Variants in PAWR observed in about 807,000 individuals in gnomAD.
The protein encoded by PAWR is pro-apoptotic WT1 regulator, also known as PRKC apoptosis WT1 regulator protein.
PAWR carries 23 observed loss-of-function variants against 32.0 expected under a neutral mutation model. That is an observed-to-expected ratio of 0.72 (90% CI 0.52 to 1.02). The LOEUF is 1.02. PAWR is among the 50% of genes least tolerant of loss of function. The probability of loss-of-function intolerance (pLI) is 0.00; values close to 1 mark genes in which losing one functional copy is unlikely to be tolerated. For synonymous variants in PAWR, 226 were observed against 187.1 expected, an observed-to-expected ratio of 1.21 and a Z score of -1.70; for missense variants, 457 against 437.7, an observed-to-expected ratio of 1.04 and a Z score of -0.39.
At chr12:79,641,290 A>ACCTTCACAAC (rs1876311061) in intron 2 of PAWR, among the ~76,000 whole-genome samples, 1 of 152,178 alleles carries the variant, frequency 6.6e-6, no homozygotes, top group Non-Finnish European at 1.5e-5. Context: ...AACTCTTCTA[A>ACCTTCACAAC]CCTTCACAAC....
At chr12:79,668,610 A>C (rs1188422137) in intron 2 of PAWR, among the ~76,000 whole-genome samples, 3 of 152,198 alleles carry the variant, frequency 2.0e-5, no homozygotes, top group Non-Finnish European at 4.4e-5. Flanking sequence ...AGGAGTGCAC[A>C]ACCTACATCC....
intron 4 of PAWR, among the ~76,000 whole-genome samples, chr12:79,601,639 G>A (rs951763925): frequency 5.9e-5 from 9 of 151,912 alleles, no homozygotes; most frequent in East Asian, 1.9e-4. Flanking sequence ...TAAAATAATC[G>A]TCTGTATCCC....
At chr12:79,649,268 T>C (rs185553738) in intron 2 of PAWR, among the ~76,000 whole-genome samples, 298 of 152,296 alleles carry the variant, frequency 2.0e-3, no homozygotes, top group African/African-American at 7.0e-3. Context: ...TCAGATTTAA[T>C]TGAAATAGTC....
At chr12:79,680,672 A>ACCACCAAC (rs1457147305) in intron 2 of PAWR, among the ~76,000 whole-genome samples, 1 of 152,090 alleles carries the variant, frequency 6.6e-6, no homozygotes, top group Non-Finnish European at 1.5e-5. Flanking sequence ...TCCAGCTCCA[A>ACCACCAAC]CCACCAACTT....
chr12:79,603,391 A>T (rs916965671), intron 4 of PAWR, among the ~76,000 whole-genome samples: 1 of 152,140 alleles, frequency 6.6e-6, no homozygotes, highest in African/African-American at 2.4e-5. Flanking sequence ...CTAAAGCCAT[A>T]CCATATTATA....
At chr12:79,619,697 C>T (rs538278805) in intron 3 of PAWR, among the ~76,000 whole-genome samples, 3 of 152,032 alleles carry the variant, frequency 2.0e-5, no homozygotes, top group East Asian at 3.9e-4. Flanking sequence ...TCAAAGACTA[C>T]GTAATTAGAT....
intron 3 of PAWR, among the ~76,000 whole-genome samples, chr12:79,617,310 C>A (rs1874786965): frequency 6.6e-6 from 1 of 152,134 alleles, no homozygotes; most frequent in Admixed American, 6.5e-5. Context: ...TGAGATCATG[C>A]CACTGCACTC....
chr12:79,654,356 G>A (rs1461368077), intron 2 of PAWR, among the ~76,000 whole-genome samples: 1 of 151,962 alleles, frequency 6.6e-6, no homozygotes, highest in Non-Finnish European at 1.5e-5. Context: ...AAAATGGAGA[G>A]GGATGTGTTT....
At chr12:79,669,590 A>C (rs939107841) in intron 2 of PAWR, among the ~76,000 whole-genome samples, 13 of 152,348 alleles carry the variant, frequency 8.5e-5, no homozygotes, top group South Asian at 6.2e-4. Flanking sequence ...AGATAATCTA[A>C]ACTTAGTTGA....
chr12:79,620,586 A>T (rs1490082231), intron 3 of PAWR, among the ~76,000 whole-genome samples: 6 of 152,188 alleles, frequency 3.9e-5, no homozygotes, highest in Non-Finnish European at 8.8e-5. Context: ...CAGAGTCCCA[A>T]GTAGAATGTG....
intron 4 of PAWR, among the ~76,000 whole-genome samples, chr12:79,609,393 T>C (rs1284021123): frequency 6.6e-6 from 1 of 152,142 alleles, no homozygotes; most frequent in African/African-American, 2.4e-5. Context: ...AGGAAAATTC[T>C]GGGCAGAAGA....
At chr12:79,676,553 TTC>T (rs1345319666) in intron 2 of PAWR, among the ~76,000 whole-genome samples, 3 of 147,252 alleles carry the variant, frequency 2.0e-5, no homozygotes, top group Admixed American at 6.7e-5. Context: ...CTTATCTCTA[TTC>T]TCTCTTTCTT....
chr12:79,604,443 G>C, intron 4 of PAWR: 1 of 1,033,362 alleles, frequency 9.7e-7, no homozygotes, highest in Non-Finnish European at 1.2e-6. Context: ...AATGAGATTG[G>C]CAGCATTAAG....
intron 2 of PAWR, among the ~76,000 whole-genome samples, chr12:79,669,863 G>C (rs182408278): frequency 5.2e-4 from 79 of 151,928 alleles, no homozygotes; most frequent in Middle Eastern, 3.4e-3. Flanking sequence ...ACTATACTGG[G>C]CTAATTTTTG....
intron 2 of PAWR, among the ~76,000 whole-genome samples, chr12:79,626,163 TAAAAAAAAAAAA>T (rs565157190): frequency 1.2e-5 from 1 of 82,110 alleles, no homozygotes; most frequent in Non-Finnish European, 2.6e-5. Context: ...GACTCCATCT[TAAAAAAAAAAAA>T]AAAAAAAAAA....
chr12:79,595,114 T>A (rs1873701449), intron 5 of PAWR, among the ~76,000 whole-genome samples: 2 of 152,318 alleles, frequency 1.3e-5, no homozygotes, highest in Admixed American at 1.3e-4. Context: ...TTAATTTTTC[T>A]TAAAAATACA....
intron 6 of PAWR, among the ~76,000 whole-genome samples, chr12:79,594,015 T>C (rs555392964): frequency 3.3e-5 from 5 of 152,182 alleles, no homozygotes; most frequent in Middle Eastern, 3.4e-3. Context: ...ATTTTAGATA[T>C]TTCTTGAGGC....
At chr12:79,596,373 T>C (rs1873746125) in intron 5 of PAWR, 138 bp downstream of exon 5, 1 of 544,488 alleles carries the variant, frequency 1.8e-6, no homozygotes, top group African/African-American at 1.9e-5. Context: ...TTTAATATAC[T>C]AAAGGTAACA....
chr12:79,655,886 A>C (rs747470592), intron 2 of PAWR, among the ~76,000 whole-genome samples: 20 of 152,364 alleles, frequency 1.3e-4, no homozygotes, highest in African/African-American at 4.6e-4. Flanking sequence ...ATACAGTGTA[A>C]AATATGTGAA....
Sources: gnomAD v4.1 joint callset for allele counts (sites outside exome capture counted in the v4.1 genomes callset) on GRCh38, gnomAD v4.1.1 for gene constraint, MANE v1.5 for transcripts, NCBI Gene and HGNC (gene_info 2026-07-23, HGNC 2026-07-21) for gene names.